TTC28: variants seen among roughly 807,000 people sequenced by gnomAD.
The protein encoded by TTC28 is tetratricopeptide repeat domain 28, also known as tetratricopeptide repeat protein 28.
In TTC28, 61 loss-of-function variants were observed where a neutral mutation model predicts 198.0. That is an observed-to-expected ratio of 0.31 (90% CI 0.25 to 0.38). The LOEUF is 0.38. Among genes scored for constraint, TTC28 ranks in the 10% least tolerant of loss-of-function variants. The pLI is 1.00. For synonymous variants in TTC28, 1,171 were observed against 1,297.8 expected (o/e 0.90, Z 2.10); for missense variants, 2,678 against 3,164.0 (o/e 0.85, Z 3.69).
intron 5 of TTC28, among the ~76,000 whole-genome samples, chr22:28,290,111 TG>T (rs1413646365): frequency 2.0e-5 from 3 of 152,160 alleles, no homozygotes; most frequent in African/African-American, 7.2e-5. Flanking sequence ...CTAGCTACTT[TG>T]GAAAATCCTA....
At chr22:28,549,854 T>C (rs995029861) in intron 2 of TTC28, among the ~76,000 whole-genome samples, 5 of 152,228 alleles carry the variant, frequency 3.3e-5, no homozygotes, top group East Asian at 3.9e-4. Flanking sequence ...AATCTAAAGA[T>C]TGGAGATCAC....
intron 2 of TTC28, among the ~76,000 whole-genome samples, chr22:28,467,855 G>T (rs1431032793): frequency 6.6e-6 from 1 of 152,062 alleles, no homozygotes; most frequent in East Asian, 1.9e-4. Context: ...TCTACCTCCG[G>T]GGCTCAAGAG....
At chr22:28,145,276 C>T (rs775681958) in intron 6 of TTC28, among the ~76,000 whole-genome samples, 1 of 152,048 alleles carries the variant, frequency 6.6e-6, no homozygotes, top group Non-Finnish European at 1.5e-5. Context: ...CCCTTTTTTA[C>T]ACATCACAAA....
chr22:28,363,241 C>T (rs986801003), intron 2 of TTC28, among the ~76,000 whole-genome samples: 10 of 152,164 alleles, frequency 6.6e-5, no homozygotes, highest in Admixed American at 3.3e-4. Context: ...CCAGCCGCTC[C>T]AGCCATGACT....
chr22:28,487,755 G>A (rs767532257), intron 2 of TTC28, among the ~76,000 whole-genome samples: 8 of 151,956 alleles, frequency 5.3e-5, no homozygotes, highest in African/African-American at 1.2e-4. Context: ...CTAATAATAC[G>A]TACCAATATC....
chr22:28,392,523 G>A (rs142900695), intron 2 of TTC28, among the ~76,000 whole-genome samples: 27 of 152,328 alleles, frequency 1.8e-4, no homozygotes, highest in African/African-American at 6.5e-4. Context: ...CTCCAAGCCA[G>A]GTGCGGGATA....
chr22:28,076,457 C>G (rs1374497700), intron 12 of TTC28, among the ~76,000 whole-genome samples: 1 of 152,104 alleles, frequency 6.6e-6, no homozygotes, highest in Non-Finnish European at 1.5e-5. Flanking sequence ...TTTTTTCCCT[C>G]TTTTTGGGAA....
At chr22:28,143,199 G>A (rs890198472) in intron 6 of TTC28, among the ~76,000 whole-genome samples, 6 of 152,298 alleles carry the variant, frequency 3.9e-5, no homozygotes, top group African/African-American at 9.6e-5. Context: ...CTAGAGCATG[G>A]TAGGGGCTCA....
intron 2 of TTC28, among the ~76,000 whole-genome samples, chr22:28,362,324 G>GT (rs1555976720): frequency 5.9e-5 from 9 of 152,054 alleles, no homozygotes; most frequent in Non-Finnish European, 1.3e-4. Context: ...GCTGTCATCC[G>GT]TGTAAGATGT....
At chr22:28,601,858 T>C (rs765708379) in intron 2 of TTC28, among the ~76,000 whole-genome samples, 1 of 151,080 alleles carries the variant, frequency 6.6e-6, no homozygotes, top group Admixed American at 6.6e-5. Context: ...ATAGCACTAA[T>C]GCTGACTGTT....
chr22:28,390,146 A>T (rs531563988), intron 2 of TTC28, among the ~76,000 whole-genome samples: 3 of 152,002 alleles, frequency 2.0e-5, no homozygotes, highest in East Asian at 1.9e-4. Context: ...CATGTAGTTG[A>T]GCTGTTTTGA....
At chr22:28,525,731 G>A (rs1383706873) in intron 2 of TTC28, among the ~76,000 whole-genome samples, 1 of 152,058 alleles carries the variant, frequency 6.6e-6, no homozygotes, top group Non-Finnish European at 1.5e-5. Flanking sequence ...CTTGTATTCT[G>A]AAAATTAAAC....
intron 2 of TTC28, among the ~76,000 whole-genome samples, chr22:28,448,333 T>C (rs1436511085): frequency 6.6e-6 from 1 of 152,198 alleles, no homozygotes; most frequent in Non-Finnish European, 1.5e-5. Flanking sequence ...CACATCTTTT[T>C]CCATTGTAAA....
chr22:28,429,562 CTAAGT>C (rs1214819854), intron 2 of TTC28, among the ~76,000 whole-genome samples: 8 of 152,148 alleles, frequency 5.3e-5, no homozygotes, highest in African/African-American at 1.4e-4. Flanking sequence ...CAATCATAGC[CTAAGT>C]TAATTTTCTA....
intron 21 of TTC28, among the ~76,000 whole-genome samples, chr22:27,988,552 T>C (rs552829489): frequency 1.9e-3 from 286 of 152,128 alleles, no homozygotes; most frequent in Admixed American, 3.5e-3. Flanking sequence ...CCTCCCAAAG[T>C]GCTGGGATTA....
chr22:28,612,884 AT>A (rs1601622544), intron 2 of TTC28, among the ~76,000 whole-genome samples: 2 of 152,334 alleles, frequency 1.3e-5, no homozygotes, highest in African/African-American at 2.4e-5. Context: ...AAAGCAAAAA[AT>A]ATCTAAAATT....
At chr22:28,083,373 C>T (rs900254660) in intron 12 of TTC28, among the ~76,000 whole-genome samples, 3 of 152,056 alleles carry the variant, frequency 2.0e-5, no homozygotes, top group Admixed American at 2.0e-4. Context: ...CCCAGAATAC[C>T]TTCCTAGAAC....
rs1927818713 is a variant in TTC28, at chr22:28,221,087, T to C, written c.934-57488A>G. On this transcript the variant is annotated intron_variant, in intron 5 of 22. Transcript: ENST00000397906. ...TCACAACGAGCAGGTGACGATGGTG[T>C]GGCTCCAGGAAAGTTGTTAGTTGGA... Among the ~76,000 whole-genome samples the C allele has an allele frequency of 7.2e-5, 11 of 152,224 alleles. No homozygotes were observed. In the South Asian group the frequency reaches 2.1e-3, roughly 29 times the overall value.
intron 2 of TTC28, among the ~76,000 whole-genome samples, chr22:28,557,333 A>G (rs768819420): frequency 6.6e-6 from 1 of 151,656 alleles, no homozygotes; most frequent in African/African-American, 2.4e-5. Context: ...ATTTCTCCTA[A>G]CCTCTCTGTC....
Sources: allele counts gnomAD v4.1 joint callset (sites outside exome capture counted in the v4.1 genomes callset), GRCh38; gene constraint gnomAD v4.1.1; transcripts MANE v1.5; gene names NCBI Gene and HGNC (gene_info 2026-07-23, HGNC 2026-07-21).